Variants in TENM3 observed in about 807,000 individuals in gnomAD.
TENM3 encodes teneurin-3.
In TENM3, 63 loss-of-function variants were observed where a neutral mutation model predicts 255.1. That is an observed-to-expected ratio of 0.25 (90% CI 0.20 to 0.30). TENM3 has a LOEUF of 0.30. Among genes scored for constraint, TENM3 ranks in the 10% least tolerant of loss-of-function variants. TENM3 has a pLI of 1.00. For missense variants in TENM3, 2,929 were observed against 3,461.1 expected (o/e 0.85, Z 3.86); for synonymous variants, 1,306 against 1,322.3 (o/e 0.99, Z 0.27).
the TENM3 span, among the ~76,000 whole-genome samples, chr4:181,929,402 C>T: frequency 3.3e-5 from 5 of 149,940 alleles, no homozygotes; most frequent in African/African-American, 1.2e-4. Flanking sequence ...GTAAAACAGA[C>T]TTTAAACCAG....
intron 3 of TENM3, among the ~76,000 whole-genome samples, chr4:182,513,155 A>T (rs530669174): frequency 6.6e-6 from 1 of 152,326 alleles, no homozygotes; most frequent in African/African-American, 2.4e-5. Context: ...TCAGTGTTTA[A>T]CTACAGTGGA....
the TENM3 span, among the ~76,000 whole-genome samples, chr4:181,903,394 T>C: frequency 3.3e-5 from 5 of 152,194 alleles, no homozygotes; most frequent in African/African-American, 1.2e-4. Flanking sequence ...TGTAAGAGTC[T>C]GCATTTCTAA....
chr4:181,890,089 T>C, the TENM3 span, among the ~76,000 whole-genome samples: 5 of 152,180 alleles, frequency 3.3e-5, no homozygotes, highest in East Asian at 9.6e-4. Context: ...AGAGTTTCTG[T>C]CAGGTATGAG....
At chr4:181,457,915 G>A in the TENM3 span, among the ~76,000 whole-genome samples, 1 of 151,946 alleles carries the variant, frequency 6.6e-6, no homozygotes, top group Non-Finnish European at 1.5e-5. Context: ...TATTTCTATA[G>A]TATTTAGTTT....
chr4:182,662,120 G>A (rs190087774), intron 6 of TENM3, among the ~76,000 whole-genome samples: 126 of 152,144 alleles, frequency 8.3e-4, no homozygotes, highest in Non-Finnish European at 1.3e-3. Flanking sequence ...TTTTGAAAAG[G>A]CATTATCTGA....
rs1381918405 is a variant in TENM3, at chr4:182,793,143, A to G, written c.6471A>G (p.Gly2157=). 1.9e-6 allele frequency: 3 copies of G among 1,614,018 alleles called. No homozygotes were observed. Among genetic ancestry groups the G allele is most frequent in the Non-Finnish European group, 2.5e-6 (3 of 1,179,896 alleles). Reference sequence around the variant, plus strand: ...GGCGGTACAACTACGATCTGAATGGAAACCTCCATTTACTGAACCCAAGTA... The same window carrying G: ...GGCGGTACAACTACGATCTGAATGGGAACCTCCATTTACTGAACCCAAGTA... ...IMWRYNYDLN[G]NLHLLNPSNS... Residue 2157 remains glycine (G), a synonymous_variant, in exon 26 of 28, where the codon GGA becomes GGG. Transcript: ENST00000511685. The surrounding 1 kb of genome is among the most constrained non-coding windows in gnomAD (Gnocchi z 5.7).
chr4:182,443,699 C>T (rs1488302313), intron 3 of TENM3, among the ~76,000 whole-genome samples: 1 of 152,138 alleles, frequency 6.6e-6, no homozygotes, highest in African/African-American at 2.4e-5. Context: ...TTGACTGCCC[C>T]CTACAAAGAG....
intron 1 of TENM3, among the ~76,000 whole-genome samples, chr4:182,189,211 G>A (rs2149780166): frequency 6.6e-6 from 1 of 151,734 alleles, no homozygotes; most frequent in East Asian, 1.9e-4. Flanking sequence ...TGTGATTCTT[G>A]GTGGCCTTTC....
the TENM3 span, among the ~76,000 whole-genome samples, chr4:181,841,092 T>C: frequency 3.9e-5 from 6 of 152,092 alleles, no homozygotes; most frequent in African/African-American, 7.2e-5. Context: ...AAGACTAGAA[T>C]TGGAATAAAA....
chr4:182,714,568 A>G (rs1167949375), intron 13 of TENM3, among the ~76,000 whole-genome samples: 1 of 152,242 alleles, frequency 6.6e-6, no homozygotes, highest in Non-Finnish European at 1.5e-5. Flanking sequence ...GCTCCAAAGC[A>G]GTATTTTAAT....
chr4:182,371,649 T>C (rs1766822935), intron 3 of TENM3, among the ~76,000 whole-genome samples: 1 of 152,210 alleles, frequency 6.6e-6, no homozygotes. Flanking sequence ...GATCATTCTC[T>C]TCCCACATCC....
intron 24 of TENM3, among the ~76,000 whole-genome samples, chr4:182,780,087 T>C (rs1291405154): frequency 1.3e-5 from 2 of 152,050 alleles, no homozygotes; most frequent in Non-Finnish European, 2.9e-5. Context: ...ATTTTGGCTT[T>C]TGTTGCCATT....
chr4:182,116,332 A>T, the TENM3 span, among the ~76,000 whole-genome samples: 1 of 152,092 alleles, frequency 6.6e-6, no homozygotes, highest in Non-Finnish European at 1.5e-5. Context: ...AGTAATATGC[A>T]TTGAAGTGGC....
chr4:182,783,113 T>G lies in TENM3; in HGVS notation c.5305-5980T>G, dbSNP rs1249452692. Reference sequence around the variant, plus strand: ...TCCTGTCATTATGATGTTAGCTGGTTATTTTGCTCGTTAGTTGATGCAGTT... The same window carrying G: ...TCCTGTCATTATGATGTTAGCTGGTGATTTTGCTCGTTAGTTGATGCAGTT... On this transcript the variant is annotated intron_variant, in intron 24 of 27. Transcript: ENST00000511685. Among the ~76,000 whole-genome samples, 736 of 151,956 alleles carry G rather than the reference T, an allele frequency of 4.8e-3. 7 individuals are homozygous for G. Among genetic ancestry groups the G allele is most frequent in the African/African-American group, 0.017 (697 of 41,434 alleles).
At chr4:181,921,270 G>A in the TENM3 span, among the ~76,000 whole-genome samples, 1 of 152,138 alleles carries the variant, frequency 6.6e-6, no homozygotes, top group Non-Finnish European at 1.5e-5. Context: ...ATTCTGTGAA[G>A]AAAGTCATTG....
chr4:182,413,142 A>T (rs972883381), intron 3 of TENM3, among the ~76,000 whole-genome samples: 3 of 152,152 alleles, frequency 2.0e-5, no homozygotes, highest in Non-Finnish European at 2.9e-5. Flanking sequence ...TACAAAGTAT[A>T]ATATGAACAT....
chr4:182,042,934 G>T, the TENM3 span, among the ~76,000 whole-genome samples: 1 of 151,194 alleles, frequency 6.6e-6, no homozygotes, highest in Non-Finnish European at 1.5e-5. Flanking sequence ...ATTCAGTATT[G>T]CAAAAAGAGT....
chr4:182,799,888 C>T lies in TENM3; in HGVS notation c.7637C>T (p.Thr2546Met). 1.2e-6 allele frequency: 2 copies of T among 1,610,006 alleles called. No homozygotes were observed. Among genetic ancestry groups the T allele is most frequent in the Non-Finnish European group, 1.7e-6 (2 of 1,178,392 alleles). Residue 2546 changes from threonine (T) to methionine (M), a missense_variant, in exon 28 of 28, where the codon ACG (threonine) becomes ATG (methionine). Physicochemically the swap from Thr to Met is moderately conservative, Grantham distance 81. Around this residue, in one of 6 missense-constraint regions of TENM3, gnomAD observed 476 missense variants for 480.1 expected, o/e 0.99. Transcript: ENST00000511685. The surrounding 1 kb of genome is among the most constrained non-coding windows in gnomAD (Gnocchi z 4.2). ...NLHFTIEGKD[T>M]HYFIKTTTPE... ...CACTTCACCATCGAGGGCAAGGACA[C>T]GCACTACTTCATCAAGACCACCACG...
intron 24 of TENM3, among the ~76,000 whole-genome samples, chr4:182,780,827 G>A (rs560581862): frequency 3.9e-3 from 595 of 151,530 alleles, no homozygotes; most frequent in Non-Finnish European, 6.3e-3. Flanking sequence ...AATTGTGAAT[G>A]GGAGTTCACT....
Sources: gnomAD v4.1 joint callset for allele counts (sites outside exome capture counted in the v4.1 genomes callset) on GRCh38, gnomAD v4.1.1 for gene constraint, gnomAD v4.1.1 regional missense constraint, Gnocchi (gnomAD v3.1) non-coding constraint, MANE v1.5 for transcripts, NCBI Gene and HGNC (gene_info 2026-07-23, HGNC 2026-07-21) for gene names.